NUP160: variants seen among roughly 807,000 people sequenced by gnomAD.
NUP160 encodes nuclear pore complex protein Nup160.
A neutral mutation model predicts 196.9 loss-of-function variants in NUP160; 94 were observed. The observed-to-expected ratio is 0.48, with a 90% CI of 0.40 to 0.57. NUP160 has a LOEUF of 0.57. Among genes scored for constraint, NUP160 ranks in the 20% least tolerant of loss-of-function variants. The pLI is 0.00. For synonymous variants in NUP160, 605 were observed against 619.7 expected, an observed-to-expected ratio of 0.98 and a Z score of 0.35; for missense variants, 1,638 against 1,748.3, an observed-to-expected ratio of 0.94 and a Z score of 1.13.
intron 34 of NUP160, among the ~76,000 whole-genome samples, chr11:47,782,689 C>T (rs968941466): frequency 1.3e-5 from 2 of 151,890 alleles, no homozygotes; most frequent in Admixed American, 6.6e-5. Flanking sequence ...GATGGAGTCT[C>T]GCTCTGTTGC....
chr11:47,827,009 G>A, intron 7 of NUP160: 1 of 456,046 alleles, frequency 2.2e-6, no homozygotes, highest in Non-Finnish European at 4.4e-6. Flanking sequence ...ACCCTTTCAA[G>A]AGAAAACCAC....
chr11:47,843,310 A>G (rs1852341018), intron 2 of NUP160, among the ~76,000 whole-genome samples: 1 of 152,132 alleles, frequency 6.6e-6, no homozygotes, highest in Non-Finnish European at 1.5e-5. Context: ...CCAGGTCATC[A>G]ATGACCTCCA....
intron 27 of NUP160, among the ~76,000 whole-genome samples, chr11:47,794,671 C>G (rs1421418489): frequency 2.0e-5 from 3 of 152,138 alleles, no homozygotes; most frequent in African/African-American, 7.2e-5. Context: ...CTTTGGGAAG[C>G]TGAGGCGGGT....
Position 47,821,579 on chromosome 11 carries a change from C to T in NUP160, c.1277+145G>A, listed in dbSNP as rs116599203. On this transcript the variant is annotated intron_variant, in intron 9 of 35. Transcript: ENST00000378460. Reference sequence around the variant, plus strand: ...GGGTTTCTGTTGCCCAGCCTGGTCTCGAACTCCTGAGCTTAAGTGATTTGC... The same window carrying T: ...GGGTTTCTGTTGCCCAGCCTGGTCTTGAACTCCTGAGCTTAAGTGATTTGC... 504 of 598,324 alleles carry T rather than the reference C, an allele frequency of 8.4e-4. 3 individuals are homozygous for T. In the African/African-American group the frequency reaches 8.5e-3, roughly 10 times the overall value. The allele number at this position is 598,324 out of a possible 1,614,324, so 37.1% of individuals were successfully genotyped here.
At chr11:47,802,820 A>T (rs992554069) in intron 22 of NUP160, among the ~76,000 whole-genome samples, 2 of 151,622 alleles carry the variant, frequency 1.3e-5, no homozygotes, top group South Asian at 2.1e-4. Context: ...ACAAAAAATT[A>T]AAAAATTAGC....
At chr11:47,812,391 T>G in exon 16 of NUP160, 1 of 1,613,748 alleles carries the variant, frequency 6.2e-7, no homozygotes, top group Middle Eastern at 1.7e-4. Flanking sequence ...GTTCCTAATC[T>G]CTTGCAGTTT....
At chr11:47,806,804 C>T (rs867954371) in intron 19 of NUP160, among the ~76,000 whole-genome samples, 987 of 79,510 alleles carry the variant, frequency 0.012, 23 homozygotes, top group South Asian at 0.053. Flanking sequence ...CACACACACA[C>T]ACACACACAC....
exon 30 of NUP160, chr11:47,788,512 A>G: frequency 6.2e-7 from 1 of 1,613,136 alleles, no homozygotes; most frequent in Non-Finnish European, 8.5e-7. Context: ...AGCAACTGCA[A>G]CCGCTGATGG....
rs930253989 is a variant in NUP160 at position 47,812,231 on chromosome 11, AAAG to A, written c.2081-10_2081-8del. On this transcript the variant is annotated splice_region_variant and splice_polypyrimidine_tract_variant and intron_variant, in intron 16 of 35. Transcript: ENST00000378460. ...CGAATATTCAAAGGCTGAGCTGTAA[AAAG>A]AAGAAAAATGGAGTTGAATGCATCA... 1.1e-5 allele frequency: 17 copies of A among 1,613,816 alleles called. No homozygotes were observed. Among genetic ancestry groups the A allele is most frequent in the Non-Finnish European group, 1.3e-5 (15 of 1,179,866 alleles).
In NUP160 at chr11:47,812,486, A is replaced by G. The variant is rs544881034; in HGVS notation, c.1953-57T>C. ...ACCGAGAATACGTAAGGCAAGTTCT[A>G]TATGTCCTATAAGCTAAATACATTA... On this transcript the variant is annotated intron_variant, in intron 15 of 35. Transcript: ENST00000378460. The G allele has an allele frequency of 6.7e-4, 1,010 of 1,498,524 alleles. 4 individuals are homozygous for G. Among genetic ancestry groups the G allele is most frequent in the South Asian group, 6.5e-3 (537 of 83,106 alleles). The allele number at this position is 1,498,524 out of a possible 1,614,324, so 92.8% of individuals were successfully genotyped here.
chr11:47,808,001 C>T (rs76171883), intron 18 of NUP160, among the ~76,000 whole-genome samples: 2,995 of 152,166 alleles, frequency 0.02, 37 homozygotes, highest in African/African-American at 0.029. Flanking sequence ...ATCTTTTTCC[C>T]GGCTGGCGTG....
intron 27 of NUP160, chr11:47,796,036 C>G (rs1474284355): frequency 1.7e-5 from 3 of 180,314 alleles, no homozygotes; most frequent in African/African-American, 7.1e-5. Context: ...CACCTGTAAT[C>G]CCAGCTACTC....
chr11:47,806,378 T>C, intron 19 of NUP160, 66 bp from the exon 20 acceptor site: 4 of 1,269,722 alleles, frequency 3.2e-6, no homozygotes, highest in Middle Eastern at 1.9e-4. Context: ...TAAAATAGTC[T>C]ATCAATTCAT....
At chr11:47,804,775 C>T (rs2097676512) in intron 20 of NUP160, among the ~76,000 whole-genome samples, 157 bp from the exon 21 acceptor site, 1 of 152,144 alleles carries the variant, frequency 6.6e-6, no homozygotes, top group Non-Finnish European at 1.5e-5. Context: ...CACTAGAATA[C>T]AGTTAAACAG....
intron 13 of NUP160, chr11:47,815,262 A>G (rs58556689): frequency 2.2e-3 from 835 of 377,322 alleles, no homozygotes; most frequent in Middle Eastern, 8.2e-3. Context: ...AATAAAATAC[A>G]AAAAAAGTAT....
Position 47,822,801 on chromosome 11 carries a change from T to A in NUP160, c.1102-637A>T, listed in dbSNP as rs184279084. Among the ~76,000 whole-genome samples the A allele has an allele frequency of 3.6e-3, 549 of 152,282 alleles. 9 individuals carry two copies. The highest frequency in any genetic ancestry group is 0.024 in the Admixed American group (363 of 15,288). On this transcript the variant is annotated intron_variant, in intron 7 of 35. Transcript: ENST00000378460. ...GTTCTCATTGTTCAATTCCCACCTA[T>A]GAGTGAGAACACGTGGTGTTTGGTT...
At chr11:47,813,136 C>A in intron 14 of NUP160, 89 bp from the exon 15 acceptor site, 1 of 1,079,666 alleles carries the variant, frequency 9.3e-7, no homozygotes, top group South Asian at 1.5e-5. Context: ...AATTAAATGA[C>A]AAGAAATCTA....
chr11:47,817,504 G>C (rs1009547266), intron 11 of NUP160, among the ~76,000 whole-genome samples: 2 of 151,812 alleles, frequency 1.3e-5, no homozygotes, highest in Non-Finnish European at 2.9e-5. Flanking sequence ...GTGCCACCAC[G>C]CCCGGCTAAT....
chr11:47,783,247 G>C (rs1379278004), intron 33 of NUP160, 49 bp from the exon 34 acceptor site: 1 of 1,585,684 alleles, frequency 6.3e-7, no homozygotes, highest in Non-Finnish European at 8.6e-7. Context: ...CCTCCTACTT[G>C]AGTACTGACC....
Sources: gnomAD v4.1 joint callset for allele counts (sites outside exome capture counted in the v4.1 genomes callset) on GRCh38, gnomAD v4.1.1 for gene constraint, MANE v1.5 for transcripts, NCBI Gene and HGNC (gene_info 2026-07-23, HGNC 2026-07-21) for gene names.